The following PCDH9 variants were observed in gnomAD, a reference collection of about 807,000 sequenced individuals.
PCDH9 encodes the protein protocadherin 9, also known as protocadherin-9.
Under a neutral mutation model 70.6 loss-of-function variants are expected in PCDH9, and 24 were observed. That is an observed-to-expected ratio of 0.34 (90% CI 0.25 to 0.48). PCDH9 has a LOEUF of 0.48. Among genes scored for constraint, PCDH9 ranks in the 20% least tolerant of loss-of-function variants. The pLI, the probability that PCDH9 is intolerant of heterozygous loss-of-function variation, is 0.99. For synonymous variants in PCDH9, 562 were observed against 558.5 expected, an observed-to-expected ratio of 1.01 and a Z score of -0.09; for missense variants, 1,281 against 1,503.6, an observed-to-expected ratio of 0.85 and a Z score of 2.45.
intron 3 of PCDH9, among the ~76,000 whole-genome samples, chr13:66,750,342 G>T (rs1216536081): frequency 3.3e-5 from 5 of 151,620 alleles, no homozygotes. Flanking sequence ...TCAAAAACAA[G>T]TTTTCTCATT....
At chr13:67,122,664 C>T (rs2086899163) in intron 2 of PCDH9, among the ~76,000 whole-genome samples, 1 of 151,770 alleles carries the variant, frequency 6.6e-6, no homozygotes, top group South Asian at 2.1e-4. Flanking sequence ...ATCCCAGCTA[C>T]TTGGGAAGCT....
chr13:67,014,102 TC>T (rs2084509155), intron 2 of PCDH9, among the ~76,000 whole-genome samples: 1 of 152,106 alleles, frequency 6.6e-6, no homozygotes, highest in Admixed American at 6.6e-5. Context: ...TCTTTTGCTT[TC>T]AATAAATCTA....
chr13:66,530,526 G>A (rs1024208337), intron 4 of PCDH9, among the ~76,000 whole-genome samples: 3 of 151,564 alleles, frequency 2.0e-5, no homozygotes, highest in South Asian at 4.2e-4. Context: ...ACATTAAATA[G>A]GAAAAGATAA....
intron 3 of PCDH9, among the ~76,000 whole-genome samples, chr13:66,683,593 C>T (rs2078358967): frequency 6.6e-6 from 1 of 152,138 alleles, no homozygotes. Flanking sequence ...TTTATACTCA[C>T]ATTAATCATA....
At chr13:66,688,079 C>T (rs2078431387) in intron 3 of PCDH9, among the ~76,000 whole-genome samples, 1 of 152,068 alleles carries the variant, frequency 6.6e-6, no homozygotes, top group African/African-American at 2.4e-5. Flanking sequence ...CTTATGCGGG[C>T]TTTTCTAACA....
intron 4 of PCDH9, among the ~76,000 whole-genome samples, chr13:66,403,697 T>C (rs576964749): frequency 9.2e-5 from 14 of 152,272 alleles, no homozygotes; most frequent in Non-Finnish European, 1.5e-4. Flanking sequence ...GATCACTCTT[T>C]ACCCATTAAA....
At chr13:66,500,197 C>CA (rs1262565950) in intron 4 of PCDH9, among the ~76,000 whole-genome samples, 1 of 152,140 alleles carries the variant, frequency 6.6e-6, no homozygotes, top group Non-Finnish European at 1.5e-5. Flanking sequence ...TACATTGTTA[C>CA]AATAATTCTT....
chr13:66,631,471 TG>T, intron 3 of PCDH9, 60 bp from the exon 4 acceptor site: 1 of 957,812 alleles, frequency 1.0e-6, no homozygotes. Flanking sequence ...ACAGGCCTAG[TG>T]GAACACAAAA....
chr13:66,680,648 C>T (rs114560334), intron 3 of PCDH9, among the ~76,000 whole-genome samples: 3,264 of 151,814 alleles, frequency 0.021, 89 homozygotes, highest in African/African-American at 0.061. Context: ...TTTCCTGTTT[C>T]GATTAATGGC....
At chr13:66,479,393 A>G (rs1448910616) in intron 4 of PCDH9, among the ~76,000 whole-genome samples, 2 of 152,232 alleles carry the variant, frequency 1.3e-5, no homozygotes, top group African/African-American at 2.4e-5. Context: ...ATTATTTTTC[A>G]TAAGTCTAGA....
chr13:66,428,161 T>A (rs1296337321), intron 4 of PCDH9, among the ~76,000 whole-genome samples: 1 of 151,734 alleles, frequency 6.6e-6, no homozygotes, highest in Non-Finnish European at 1.5e-5. Flanking sequence ...AGTGTCCAGA[T>A]TAGTTGGCAA....
intron 2 of PCDH9, among the ~76,000 whole-genome samples, chr13:66,983,170 G>A (rs1004248851): frequency 2.6e-5 from 4 of 151,940 alleles, no homozygotes; most frequent in South Asian, 2.1e-4. Flanking sequence ...CACGGCAGAC[G>A]TTTACCTATG....
At chr13:66,955,384 C>A (rs2083251363) in intron 2 of PCDH9, among the ~76,000 whole-genome samples, 1 of 152,006 alleles carries the variant, frequency 6.6e-6, no homozygotes, top group African/African-American at 2.4e-5. Flanking sequence ...GACCTGTCCC[C>A]AAAAAATGAT....
At chr13:66,592,127 C>A (rs991050704) in intron 4 of PCDH9, among the ~76,000 whole-genome samples, 2 of 151,560 alleles carry the variant, frequency 1.3e-5, no homozygotes, top group African/African-American at 4.8e-5. Flanking sequence ...AAGATAGAGG[C>A]CTTTTTTATA....
At chr13:66,939,213 A>C (rs899566933) in intron 2 of PCDH9, among the ~76,000 whole-genome samples, 2 of 152,100 alleles carry the variant, frequency 1.3e-5, no homozygotes, top group Non-Finnish European at 2.9e-5. Context: ...ACACTGCTTA[A>C]ATATTATTGT....
chr13:67,161,739 G>A (rs941374424), intron 2 of PCDH9, among the ~76,000 whole-genome samples: 4 of 152,180 alleles, frequency 2.6e-5, no homozygotes, highest in Admixed American at 2.0e-4. Flanking sequence ...TGTGAGCAGG[G>A]AGAGGGAAAT....
At chr13:66,940,702 T>C (rs948793621) in intron 2 of PCDH9, among the ~76,000 whole-genome samples, 1 of 151,882 alleles carries the variant, frequency 6.6e-6, no homozygotes, top group Non-Finnish European at 1.5e-5. Context: ...TTGGTCATAA[T>C]TACCAATTAG....
intron 3 of PCDH9, among the ~76,000 whole-genome samples, chr13:66,860,489 G>T (rs1050164310): frequency 2.0e-5 from 3 of 152,216 alleles, no homozygotes; most frequent in African/African-American, 7.2e-5. Context: ...CACAGCACTT[G>T]ATCTGAAAAG....
intron 4 of PCDH9, among the ~76,000 whole-genome samples, chr13:66,576,628 C>T (rs17081541): frequency 0.033 from 5,010 of 152,126 alleles, 264 homozygotes; most frequent in African/African-American, 0.11. Flanking sequence ...TATTGACAAG[C>T]TAAACTGTGA....
Sources: gnomAD v4.1 joint callset for allele counts (sites outside exome capture counted in the v4.1 genomes callset) on GRCh38, gnomAD v4.1.1 for gene constraint, MANE v1.5 for transcripts, NCBI Gene and HGNC (gene_info 2026-07-23, HGNC 2026-07-21) for gene names.